Variants in ABHD2 observed in about 807,000 individuals in gnomAD.
ABHD2 encodes abhydrolase domain containing 2, acylglycerol lipase, also known as monoacylglycerol lipase ABHD2.
A neutral mutation model predicts 48.1 loss-of-function variants in ABHD2; 20 were observed. The ratio of observed to expected loss-of-function variants is 0.42; its 90% CI spans 0.29 to 0.60. ABHD2 has a LOEUF of 0.60. Among genes scored for constraint, ABHD2 ranks in the 20% least tolerant of loss-of-function variants. The pLI is 0.24. For missense variants in ABHD2, 405 were observed against 550.9 expected (o/e 0.74, Z 2.65); for synonymous variants, 209 against 214.2 (o/e 0.98, Z 0.21).
chr15:89,183,263 A>G (rs1390094154), intron 6 of ABHD2: 1 of 150,842 alleles, frequency 6.6e-6, no homozygotes, highest in Non-Finnish European at 1.5e-5. Flanking sequence ...TACTGCCTAC[A>G]TATGCATTTA....
upstream of ABHD2, among the ~76,000 whole-genome samples, chr15:89,083,043 C>T (rs1423738944): frequency 5.9e-5 from 9 of 152,080 alleles, no homozygotes; most frequent in East Asian, 1.9e-4. The surrounding 1 kb of genome is among the most constrained non-coding windows in gnomAD (Gnocchi z 5.1). Flanking sequence ...TAAGTAGAGA[C>T]GGAGTTTCAC....
rs576442841 is a variant in ABHD2, at chr15:89,177,461, G to A, written c.722+1466G>A. On this transcript the variant is annotated intron_variant, in intron 6 of 10. Coordinates refer to ENST00000352732, the MANE Select transcript of ABHD2 (RefSeq NM_152924.5). This position sits in a 1 kb window ranked among gnomAD's most constrained non-coding sequence, Gnocchi z 5.6. ...ATTCTGTTTCTTGGGCCCCACCCTT[G>A]GAGATTTTGATTCATGAAGTTGGAG... Among the ~76,000 whole-genome samples, 1 of 152,298 alleles carries A rather than the reference G, an allele frequency of 6.6e-6. No individual in the cohort carries two copies. Among genetic ancestry groups the A allele is most frequent in the East Asian group, 1.9e-4 (1 of 5,186 alleles).
At chr15:89,127,940 G>T (rs1324659736) in intron 3 of ABHD2, among the ~76,000 whole-genome samples, 1 of 151,736 alleles carries the variant, frequency 6.6e-6, no homozygotes, top group Non-Finnish European at 1.5e-5. Context: ...ACCTGTCTCT[G>T]TCTCATTGGC....
the ABHD2 span, among the ~76,000 whole-genome samples, chr15:89,065,066 G>T: frequency 6.6e-6 from 1 of 152,070 alleles, no homozygotes; most frequent in Non-Finnish European, 1.5e-5. Flanking sequence ...CTAAATGTAA[G>T]TCTACTGGAT....
At chr15:89,132,405 C>T (rs989795605) in intron 3 of ABHD2, among the ~76,000 whole-genome samples, 1 of 152,124 alleles carries the variant, frequency 6.6e-6, no homozygotes, top group African/African-American at 2.4e-5. Context: ...ACGTTCAGAA[C>T]TTAGCATACT....
At position 89,201,371 on chromosome 15, in the gene ABHD2, A is replaced by G. The variant is rs1159705796; in HGVS notation, c.*5948A>G. ...GGGCCCGTCTTGCTTAGATGCATTC[A>G]GTGGGACAGCTTTGCTGGGTTCCAT... On this transcript the variant is annotated 3_prime_UTR_variant, in exon 11 of 11. Transcript: ENST00000352732. 2 of 1,074,320 alleles carry G rather than the reference A, an allele frequency of 1.9e-6. No individual in the cohort carries two copies. Among genetic ancestry groups the G allele is most frequent in the East Asian group, 4.7e-5 (2 of 42,522 alleles). 66.5% of individuals were successfully genotyped at this position (1,074,320 alleles called of 1,614,324 possible). A position where few individuals can be genotyped will look rare whatever the true frequency, so the allele number is the denominator to read the frequency against.
intron 3 of ABHD2, among the ~76,000 whole-genome samples, chr15:89,144,510 A>G (rs907244570): frequency 1.3e-5 from 2 of 152,262 alleles, no homozygotes; most frequent in South Asian, 2.1e-4. Flanking sequence ...ATTCAGCCGT[A>G]AAAAGGAATG....
intron 3 of ABHD2, chr15:89,135,406 C>CAAA: frequency 2.2e-6 from 1 of 460,332 alleles, no homozygotes. Context: ...GTTAACTATA[C>CAAA]AAAAAAAAAA....
At chr15:89,127,726 T>TATATATATATATATATATATAC (rs1567080111) in intron 3 of ABHD2, among the ~76,000 whole-genome samples, 15 of 141,914 alleles carry the variant, frequency 1.1e-4, no homozygotes, top group African/African-American at 4.1e-4. Context: ...TATACACATA[T>TATATATATATATATATATATAC]ATATATATAT....
chr15:89,194,139 C>T (rs1037566443), intron 10 of ABHD2, among the ~76,000 whole-genome samples: 1 of 151,960 alleles, frequency 6.6e-6, no homozygotes, highest in African/African-American at 2.4e-5. Context: ...ACTTGAAAAG[C>T]AAAACAAAAA....
Position 89,201,916 on chromosome 15 carries a change from A to G in ABHD2, c.*6493A>G, listed in dbSNP as rs190516934. On this transcript the variant is annotated 3_prime_UTR_variant, in exon 11 of 11. Transcript: ENST00000352732. ...CCTTTTCCTGGTTAGACTCTGTTCA[A>G]CCACATTCTTATGTTGGCAGATCTG... is the stretch of plus-strand genomic sequence containing the variant. 1.3e-3 allele frequency: 730 copies of G among 577,410 alleles called. 4 individuals are homozygous for G. In the African/African-American group the frequency reaches 0.013, roughly 10 times the overall value. The allele number at this position is 577,410 out of a possible 1,614,324, so 35.8% of individuals were successfully genotyped here.
rs139606370 is a variant in ABHD2 at position 89,153,780 on chromosome 15, ATAT to A, written c.371-1581_371-1579del. ...CACCCATAATTTTGTCACCCAACATATATTATTAACGTTTTGTTCCATTTTCTT... is the reference window on the plus strand; with the variant it reads ...CACCCATAATTTTGTCACCCAACATATATTAACGTTTTGTTCCATTTTCTT... On this transcript the variant is annotated intron_variant, in intron 4 of 10. Transcript: ENST00000352732. Among the ~76,000 whole-genome samples the A allele has an allele frequency of 2.6e-4, 39 of 152,298 alleles. 1 individual carries two copies. The East Asian group carries it at 4.6e-3, about 18-fold the overall frequency.
the ABHD2 span, among the ~76,000 whole-genome samples, chr15:89,076,439 C>A: frequency 6.6e-6 from 1 of 152,058 alleles, no homozygotes; most frequent in African/African-American, 2.4e-5. Context: ...TATTCATTCC[C>A]CAATTGTTTT....
intron 3 of ABHD2, among the ~76,000 whole-genome samples, chr15:89,144,110 C>T (rs2050452733): frequency 6.6e-6 from 1 of 152,110 alleles, no homozygotes; most frequent in Non-Finnish European, 1.5e-5. Flanking sequence ...TTCACAATAG[C>T]CAAAAATTGG....
chr15:89,043,591 A>G, the ABHD2 span, among the ~76,000 whole-genome samples: 1 of 142,712 alleles, frequency 7.0e-6, no homozygotes, highest in Non-Finnish European at 1.5e-5. Flanking sequence ...AAGAGGAAGA[A>G]GGAGGAGGAG....
At chr15:89,070,636 C>T in the ABHD2 span, among the ~76,000 whole-genome samples, 1 of 152,116 alleles carries the variant, frequency 6.6e-6, no homozygotes, top group African/African-American at 2.4e-5. Flanking sequence ...GCATTTCTAA[C>T]ATTATTTAGA....
intron 5 of ABHD2, among the ~76,000 whole-genome samples, chr15:89,157,103 G>C (rs769430820): frequency 7.9e-5 from 12 of 152,120 alleles, no homozygotes; most frequent in Non-Finnish European, 1.8e-4. Flanking sequence ...CCACATTGCT[G>C]TTACTACTCT....
rs1234709826 is a variant in ABHD2, at chr15:89,155,272, C to T, written c.371-95C>T. 2.9e-6 allele frequency: 4 copies of T among 1,370,098 alleles called. No homozygotes were observed. Among genetic ancestry groups the T allele is most frequent in the Non-Finnish European group, 4.0e-6 (4 of 989,776 alleles). 84.9% of individuals were successfully genotyped at this position (1,370,098 alleles called of 1,614,324 possible). A position where few individuals can be genotyped will look rare whatever the true frequency, so the allele number is the denominator to read the frequency against. On this transcript the variant is annotated intron_variant, in intron 4 of 10. Transcript: ENST00000352732. The surrounding 1 kb of genome is among the most constrained non-coding windows in gnomAD (Gnocchi z 4.9). ...TGAGTGAAAGATGTATGTTGAATTC[C>T]CTCCCCTTGTTTTCTAGACCAGTGA...
At chr15:89,101,356 A>T (rs144761150) in intron 1 of ABHD2, among the ~76,000 whole-genome samples, 121 of 152,324 alleles carry the variant, frequency 7.9e-4, no homozygotes, top group African/African-American at 2.9e-3. Context: ...TTCTTTAAAT[A>T]TCCAAAAGCT....
Sources: gnomAD v4.1 joint callset for allele counts (sites outside exome capture counted in the v4.1 genomes callset) on GRCh38, gnomAD v4.1.1 for gene constraint, Gnocchi (gnomAD v3.1) non-coding constraint, MANE v1.5 for transcripts, NCBI Gene and HGNC (gene_info 2026-07-23, HGNC 2026-07-21) for gene names.